Variants in ZNF488 observed in about 807,000 individuals in gnomAD.
The protein encoded by ZNF488 is zinc finger protein 488.
A neutral mutation model predicts 1.2 loss-of-function variants in ZNF488; 1 was observed. The ratio of observed to expected loss-of-function variants is 0.86; its 90% CI spans 0.30 to 4.07. ZNF488 has a LOEUF of 4.07. ZNF488 is among the 30% of genes most tolerant of loss of function. The pLI, the probability that ZNF488 is intolerant of heterozygous loss-of-function variation, is 0.18. For missense variants in ZNF488, 450 were observed against 437.9 expected, an observed-to-expected ratio of 1.03 and a Z score of -0.25; for synonymous variants, 185 against 190.1, an observed-to-expected ratio of 0.97 and a Z score of 0.22.
chr10:47,372,141 T>C (rs564308579), intron 1 of ZNF488, among the ~76,000 whole-genome samples: 1 of 152,324 alleles, frequency 6.6e-6, no homozygotes, highest in East Asian at 1.9e-4. Flanking sequence ...TACATAAGAC[T>C]GGTGACTCTC....
At chr10:47,372,441 G>GCACCAGC (rs1166184582) in intron 1 of ZNF488, among the ~76,000 whole-genome samples, 1 of 114,478 alleles carries the variant, frequency 8.7e-6, no homozygotes, top group East Asian at 2.9e-4. Context: ...CCCCTTCTAT[G>GCACCAGC]CACCAGCCTG....
chr10:47,380,100 C>T (rs1412546128), intron 1 of ZNF488, among the ~76,000 whole-genome samples: 2 of 152,256 alleles, frequency 1.3e-5, no homozygotes, highest in Non-Finnish European at 2.9e-5. Flanking sequence ...TGAAAAGATG[C>T]TTTGTGGTCG....
chr10:47,383,075 A>G (rs1007584891), intron 1 of ZNF488, among the ~76,000 whole-genome samples: 1 of 152,220 alleles, frequency 6.6e-6, no homozygotes, highest in African/African-American at 2.4e-5. Flanking sequence ...TTGCCTCGAT[A>G]TAGTTCTATT....
At chr10:47,378,466 C>T (rs372714380) in intron 1 of ZNF488, among the ~76,000 whole-genome samples, 71 of 152,356 alleles carry the variant, frequency 4.7e-4, no homozygotes, top group African/African-American at 1.6e-3. Flanking sequence ...TTCCAGAATT[C>T]TCATCCTTAG....
At chr10:47,371,138 C>T (rs940223085) in intron 1 of ZNF488, among the ~76,000 whole-genome samples, 2 of 152,162 alleles carry the variant, frequency 1.3e-5, no homozygotes. Flanking sequence ...GTGTGGAAAA[C>T]CTGAGGGCTC....
chr10:47,372,950 T>G (rs930550691), intron 1 of ZNF488, among the ~76,000 whole-genome samples: 1 of 152,110 alleles, frequency 6.6e-6, no homozygotes, highest in Non-Finnish European at 1.5e-5. Context: ...CCCACTGGAA[T>G]CAGGCACCTC....
chr10:47,368,603 A>G lies in ZNF488; in HGVS notation c.227T>C (p.Leu76Pro). 1 of 1,610,774 alleles carries G rather than the reference A, an allele frequency of 6.2e-7. No homozygotes were observed. The highest frequency in any genetic ancestry group is 8.5e-7 in the Non-Finnish European group (1 of 1,179,860). Reference sequence around the variant, plus strand: ...TCGGGGCTTGCCTGGGGCTACCAACAGTGCCAGCTCCGCACTGCCCACATC... The same window carrying G: ...TCGGGGCTTGCCTGGGGCTACCAACGGTGCCAGCTCCGCACTGCCCACATC... ...GRDVGSAELA[L>P]LVAPGKPRPG... Residue 76 changes from leucine to proline, a missense_variant, in exon 2 of 2, where the codon CTG (leucine) becomes CCG (proline). Transcript: ENST00000585316.
At chr10:47,381,783 C>A (rs797038978) in intron 1 of ZNF488, among the ~76,000 whole-genome samples, 4 of 152,388 alleles carry the variant, frequency 2.6e-5, no homozygotes, top group African/African-American at 9.6e-5. Context: ...TGTGCAGAAG[C>A]AGGGCCAGTG....
intron 1 of ZNF488, among the ~76,000 whole-genome samples, chr10:47,370,630 T>C (rs1837430976): frequency 6.6e-6 from 1 of 152,218 alleles, no homozygotes. Context: ...GCATGGTTTA[T>C]AGTGGTGAAA....
intron 1 of ZNF488, among the ~76,000 whole-genome samples, chr10:47,383,457 G>A (rs979668364): frequency 2.6e-5 from 4 of 152,206 alleles, no homozygotes; most frequent in Non-Finnish European, 4.4e-5. Flanking sequence ...CAGAAGGCAG[G>A]TGTGGGTGGG....
intron 1 of ZNF488, among the ~76,000 whole-genome samples, chr10:47,373,239 A>G (rs1234123160): frequency 6.6e-6 from 1 of 152,224 alleles, no homozygotes; most frequent in African/African-American, 2.4e-5. Flanking sequence ...TTCCTCGGCA[A>G]CATTCTTAAA....
chr10:47,367,747 G>C lies in ZNF488; in HGVS notation c.*60C>G, dbSNP rs1438992192. On this transcript the variant is annotated 3_prime_UTR_variant, in exon 2 of 2. Coordinates refer to ENST00000585316, the MANE Select transcript of ZNF488 (RefSeq NM_153034.4). ...GACAGCCCCCTCAACGCAGGCCCAGGGAGCCCCCCTCTGCCAAAGGCTGGC... is the reference window on the plus strand; with the variant it reads ...GACAGCCCCCTCAACGCAGGCCCAGCGAGCCCCCCTCTGCCAAAGGCTGGC... 3 of 1,545,506 alleles carry C rather than the reference G, an allele frequency of 1.9e-6. No individual in the cohort carries two copies. The highest frequency in any genetic ancestry group is 2.6e-6 in the Non-Finnish European group (3 of 1,146,566).
chr10:47,370,293 C>T (rs782797553), intron 1 of ZNF488, among the ~76,000 whole-genome samples: 1 of 152,236 alleles, frequency 6.6e-6, no homozygotes, highest in East Asian at 1.9e-4. Flanking sequence ...CTTTGCTTTC[C>T]AACTCTGATG....
Position 47,365,848 on chromosome 10 carries a change from CA to C in ZNF488, c.*1958del, listed in dbSNP as rs1837198196. The C allele has an allele frequency of 6.0e-6, 1 of 167,196 alleles. No individual in the cohort carries two copies. Among genetic ancestry groups the C allele is most frequent in the Non-Finnish European group, 1.5e-5 (1 of 68,204 alleles). 10.4% of individuals were successfully genotyped at this position (167,196 alleles called of 1,614,324 possible). A position where few individuals can be genotyped will look rare whatever the true frequency, so the allele number is the denominator to read the frequency against. ...AATGAAGCCCAGGCTTGAGAAACGG[CA>C]CCAGAGCTGTGGTCAGAACACGGGA... On this transcript the variant is annotated 3_prime_UTR_variant, in exon 2 of 2. Coordinates refer to ENST00000585316, the MANE Select transcript of ZNF488 (RefSeq NM_153034.4).
intron 1 of ZNF488, 76 bp from the exon 2 acceptor site, chr10:47,369,013 G>A: frequency 1.5e-6 from 1 of 681,950 alleles, no homozygotes; most frequent in South Asian, 2.1e-5. Flanking sequence ...GCTGGCATCA[G>A]ACAGGACCCT....
chr10:47,380,162 C>A (rs1471996083), intron 1 of ZNF488, among the ~76,000 whole-genome samples: 1 of 152,284 alleles, frequency 6.6e-6, no homozygotes, highest in Non-Finnish European at 1.5e-5. Flanking sequence ...CCCCCTGACA[C>A]TCTTTACTGG....
rs1555213292 is a variant in ZNF488 at position 47,368,542 on chromosome 10, C to T, written c.288G>A (p.Glu96=). The change falls in exon 2 of 2, where the codon GAG becomes GAA. Residue 96 remains glutamate (E), a synonymous_variant. Coordinates refer to ENST00000585316, the MANE Select transcript of ZNF488 (RefSeq NM_153034.4). The part of the protein sequence containing the change: ...GKPLPPKTRG[E]QRQSAFTELP... ...GCTCCGTGAAGGCGCTCTGCCTCTG[C>T]TCTCCACGTGTCTTCGGGGGCAGCG... The T allele has an allele frequency of 1.2e-6, 2 of 1,613,410 alleles. No homozygotes were observed. Among genetic ancestry groups the T allele is most frequent in the African/African-American group, 1.3e-5 (1 of 74,932 alleles).
At chr10:47,373,059 T>C (rs1183693314) in intron 1 of ZNF488, among the ~76,000 whole-genome samples, 1 of 152,176 alleles carries the variant, frequency 6.6e-6, no homozygotes, top group Non-Finnish European at 1.5e-5. Context: ...ATGGGGCCAC[T>C]GACCCCCATC....
chr10:47,370,659 C>T (rs1240838927), intron 1 of ZNF488, among the ~76,000 whole-genome samples: 4 of 152,224 alleles, frequency 2.6e-5, no homozygotes, highest in Admixed American at 1.3e-4. Context: ...CAAGTAAATG[C>T]GTAACTCCAG....
Sources: gnomAD v4.1 joint callset for allele counts (sites outside exome capture counted in the v4.1 genomes callset) on GRCh38, gnomAD v4.1.1 for gene constraint, MANE v1.5 for transcripts, NCBI Gene and HGNC (gene_info 2026-07-23, HGNC 2026-07-21) for gene names.